Variants in ENPP6 observed in about 807,000 individuals in gnomAD.
ENPP6 encodes the protein ectonucleotide pyrophosphatase/phosphodiesterase 6, also known as glycerophosphocholine cholinephosphodiesterase ENPP6.
ENPP6 carries 32 observed loss-of-function variants against 42.0 expected under a neutral mutation model. The ratio of observed to expected loss-of-function variants is 0.76; its 90% CI spans 0.58 to 1.02. The LOEUF is 1.02. Among genes scored for constraint, ENPP6 ranks in the 50% least tolerant of loss-of-function variants. The pLI is 0.00. For synonymous variants in ENPP6, 213 were observed against 216.0 expected (o/e 0.99, Z 0.12); for missense variants, 552 against 566.8 (o/e 0.97, Z 0.27).
At chr4:184,150,939 C>G (rs1455106604) in intron 2 of ENPP6, among the ~76,000 whole-genome samples, 2 of 152,230 alleles carry the variant, frequency 1.3e-5, no homozygotes, top group Non-Finnish European at 2.9e-5. Context: ...TTGGTCCCTT[C>G]TTATCCTGAA....
At chr4:184,160,662 A>T (rs1737244247) in intron 1 of ENPP6, among the ~76,000 whole-genome samples, 1 of 151,378 alleles carries the variant, frequency 6.6e-6, no homozygotes, top group East Asian at 1.9e-4. Flanking sequence ...ATTGGGGGAG[A>T]GTCACACAAA....
At position 184,159,235 on chromosome 4, in the gene ENPP6, A is replaced by T. The variant is rs944454128; in HGVS notation, c.242-5502T>A. 2.0e-5 allele frequency among the ~76,000 whole-genome samples: 3 copies of T among 152,246 alleles called. No homozygotes were observed. In the East Asian group the frequency reaches 5.8e-4, roughly 29 times the overall value. On this transcript the variant is annotated intron_variant, in intron 1 of 7. Transcript: ENST00000296741. ...TTAATAGATGATTAAAGTTGTTTTT[A>T]TAGAAAAAGCAAATTTGCTCATATT... is the stretch of plus-strand genomic sequence containing the variant.
chr4:184,157,415 T>TTCTTTCTC (rs201979278), intron 1 of ENPP6, among the ~76,000 whole-genome samples: 2 of 125,446 alleles, frequency 1.6e-5, no homozygotes, highest in East Asian at 3.3e-4. Context: ...TTCTCTTTCT[T>TTCTTTCTC]TCTTTCTTTC....
At chr4:184,159,939 T>C (rs1349211211) in intron 1 of ENPP6, among the ~76,000 whole-genome samples, 3 of 152,234 alleles carry the variant, frequency 2.0e-5, no homozygotes, top group Non-Finnish European at 4.4e-5. Flanking sequence ...CACTTAGAAT[T>C]ATGACCTCCA....
chr4:184,181,913 G>GA lies in ENPP6; in HGVS notation c.242-28181dup, dbSNP rs1419529494. ...ACCTAAAACTATAAAAACCCTAGAA[G>GA]AAAATCTAGGCAATACCACCCAGGA... On this transcript the variant is annotated intron_variant, in intron 1 of 7. Transcript: ENST00000296741. Among the ~76,000 whole-genome samples, 9 of 152,218 alleles carry GA rather than the reference G, an allele frequency of 5.9e-5. No individual in the cohort carries two copies. The South Asian group carries it at 1.9e-3, about 32-fold the overall frequency.
chr4:184,209,843 C>T (rs1253780470), intron 1 of ENPP6, among the ~76,000 whole-genome samples: 8 of 142,858 alleles, frequency 5.6e-5, no homozygotes, highest in Admixed American at 1.4e-4. Flanking sequence ...AGAGAAAGGT[C>T]GGGTTACCCT....
chr4:184,198,484 G>A (rs1022577567), intron 1 of ENPP6, among the ~76,000 whole-genome samples: 2 of 152,192 alleles, frequency 1.3e-5, no homozygotes, highest in Non-Finnish European at 2.9e-5. Context: ...GGCAGTGGCA[G>A]CTCCCAGAGG....
chr4:184,097,240 C>T lies in ENPP6; in HGVS notation c.1117+5G>A, dbSNP rs1215167886. 1.2e-6 allele frequency: 2 copies of T among 1,614,150 alleles called. No homozygotes were observed. Among genetic ancestry groups the T allele is most frequent in the African/African-American group, 2.7e-5 (2 of 75,056 alleles). On this transcript the variant is annotated splice_donor_5th_base_variant and intron_variant, in intron 7 of 7. Coordinates refer to ENST00000296741, the MANE Select transcript of ENPP6 (RefSeq NM_153343.4). ...CTGAGAGCATCTGGTCATTTCCTCG[C>T]CTACCAGGTCCGAAGGCCAGGAAGA...
At chr4:184,189,553 G>A (rs925733755) in intron 1 of ENPP6, among the ~76,000 whole-genome samples, 2 of 152,176 alleles carry the variant, frequency 1.3e-5, no homozygotes, top group African/African-American at 4.8e-5. Context: ...GGCAGTGAAC[G>A]GGGCTCATGA....
At chr4:184,121,255 G>C (rs1736412210) in intron 3 of ENPP6, among the ~76,000 whole-genome samples, 1 of 152,220 alleles carries the variant, frequency 6.6e-6, no homozygotes, top group Non-Finnish European at 1.5e-5. Flanking sequence ...TCTGGGGTCA[G>C]TAATGCGTTA....
At chr4:184,159,353 A>G (rs1302359301) in intron 1 of ENPP6, among the ~76,000 whole-genome samples, 1 of 152,206 alleles carries the variant, frequency 6.6e-6, no homozygotes. Flanking sequence ...TATCAGTGGG[A>G]CACAGGGAGG....
intron 1 of ENPP6, among the ~76,000 whole-genome samples, chr4:184,156,219 G>A (rs986913978): frequency 1.3e-5 from 2 of 152,184 alleles, no homozygotes; most frequent in Non-Finnish European, 2.9e-5. Context: ...GCTCTGGGAA[G>A]AGCAGCCTTT....
chr4:184,126,713 C>A (rs1432719255), intron 2 of ENPP6, among the ~76,000 whole-genome samples: 1 of 152,200 alleles, frequency 6.6e-6, no homozygotes, highest in Non-Finnish European at 1.5e-5. Context: ...AAGCACTGGA[C>A]AAATTGCAAG....
At chr4:184,156,827 G>A (rs187208613) in intron 1 of ENPP6, among the ~76,000 whole-genome samples, 25 of 152,326 alleles carry the variant, frequency 1.6e-4, no homozygotes, top group Admixed American at 1.4e-3. Flanking sequence ...CATGTTCGAC[G>A]TAGTGACCAT....
chr4:184,145,563 T>C (rs1736904542), intron 2 of ENPP6, among the ~76,000 whole-genome samples: 1 of 152,222 alleles, frequency 6.6e-6, no homozygotes, highest in African/African-American at 2.4e-5. Flanking sequence ...AATTAGGCTC[T>C]AAGCTCCTCG....
intron 6 of ENPP6, among the ~76,000 whole-genome samples, chr4:184,104,869 G>A (rs1736060163): frequency 6.6e-6 from 1 of 152,244 alleles, no homozygotes; most frequent in Admixed American, 6.5e-5. Flanking sequence ...CCCTCAGGGA[G>A]CCTCCACTCC....
chr4:184,211,465 C>A (rs1368556131), intron 1 of ENPP6, among the ~76,000 whole-genome samples: 12 of 151,838 alleles, frequency 7.9e-5, no homozygotes, highest in East Asian at 1.9e-4. Context: ...AACACCTCTA[C>A]GCAAATAAAC....
At position 184,209,169 on chromosome 4, in the gene ENPP6, A is replaced by T. The variant is rs532803766; in HGVS notation, c.241+8410T>A. On this transcript the variant is annotated intron_variant, in intron 1 of 7. Transcript: ENST00000296741. ...AACAGAAAAACTGGAAACTCTAAAA[A>T]GCAGAGCGCCTCTCCTCTTCCAAAG... 1.3e-3 allele frequency among the ~76,000 whole-genome samples: 203 copies of T among 150,578 alleles called. 1 individual carries two copies. Among genetic ancestry groups the T allele is most frequent in the Admixed American group, 5.7e-3 (86 of 15,128 alleles).
At chr4:184,095,678 A>C (rs1193262910) in intron 7 of ENPP6, among the ~76,000 whole-genome samples, 1 of 150,782 alleles carries the variant, frequency 6.6e-6, no homozygotes, top group Admixed American at 6.6e-5. Context: ...ATATCTATAT[A>C]TATATATAGA....
Sources: gnomAD v4.1 joint callset for allele counts (sites outside exome capture counted in the v4.1 genomes callset) on GRCh38, gnomAD v4.1.1 for gene constraint, MANE v1.5 for transcripts, NCBI Gene and HGNC (gene_info 2026-07-23, HGNC 2026-07-21) for gene names.